Variants in PECR observed in about 807,000 individuals in gnomAD.
PECR encodes the protein 2,4-dienoyl-CoA reductase-related protein.
In PECR, 30 loss-of-function variants were observed where a neutral mutation model predicts 35.3. The ratio of observed to expected loss-of-function variants is 0.85; its 90% CI spans 0.64 to 1.15. The LOEUF (loss-of-function observed/expected upper bound fraction) is 1.15. Ranked by LOEUF, PECR falls within the 50% of genes most tolerant of loss-of-function variation. The pLI is 0.00. For missense variants in PECR, 392 were observed against 370.8 expected, an observed-to-expected ratio of 1.06 and a Z score of -0.47; for synonymous variants, 148 against 138.9, an observed-to-expected ratio of 1.07 and a Z score of -0.46.
intron 7 of PECR, among the ~76,000 whole-genome samples, chr2:216,032,562 A>G (rs1044846994): frequency 6.6e-6 from 1 of 152,242 alleles, no homozygotes; most frequent in Non-Finnish European, 1.5e-5. Flanking sequence ...AATCCAGGTC[A>G]GAAGGCAATA....
At chr2:216,053,300 G>C (rs1695155902) in intron 4 of PECR, among the ~76,000 whole-genome samples, 1 of 152,010 alleles carries the variant, frequency 6.6e-6, no homozygotes, top group Non-Finnish European at 1.5e-5. Context: ...CTGGAGTGCA[G>C]TGGCATGATC....
intron 1 of PECR, among the ~76,000 whole-genome samples, chr2:216,077,102 T>C (rs2105970724): frequency 6.6e-6 from 1 of 152,098 alleles, no homozygotes; most frequent in South Asian, 2.1e-4. Context: ...TTTCTATATG[T>C]TGGTCAGGCT....
chr2:216,074,526 AAGGAAGGAAGGAAGAAAGG>A (rs1287603983), intron 1 of PECR, among the ~76,000 whole-genome samples: 24 of 134,156 alleles, frequency 1.8e-4, no homozygotes, highest in African/African-American at 7.8e-4. Context: ...GGAAGGAAGG[AAGGAAGGAAGGAAGAAAGG>A]AAGGAAGGAA....
In PECR at chr2:216,039,277, A is replaced by G; in HGVS notation, c.910T>C (p.Ter304ArgextTer16). The change falls in exon 8 of 8, where the codon TGA becomes CGA. Residue 304 changes from the stop codon to arginine, a stop_lost. Coordinates refer to ENST00000265322, the MANE Select transcript of PECR (RefSeq NM_018441.6). ...GGAGGACACCTTGTTTCCTCAGCTCAGAGCTTAGCTTTCTCCTTAAAGGTC... is the reference window on the plus strand; with the variant it reads ...GGAGGACACCTTGTTTCCTCAGCTCGGAGCTTAGCTTTCTCCTTAAAGGTC... Reference protein sequence around the residue: ...KETFKEKAKL* With the variant: ...KETFKEKAKLR 1 of 1,569,266 alleles carries G rather than the reference A, an allele frequency of 6.4e-7. No homozygotes were observed. The highest frequency in any genetic ancestry group is 8.8e-7 in the Non-Finnish European group (1 of 1,139,358).
At chr2:216,063,482 G>C (rs1695400467) in intron 3 of PECR, among the ~76,000 whole-genome samples, 2 of 152,050 alleles carry the variant, frequency 1.3e-5, no homozygotes, top group Non-Finnish European at 2.9e-5. Flanking sequence ...GCCAGATGTG[G>C]TGGTGAATGC....
chr2:216,049,335 A>C lies in PECR; in HGVS notation c.642T>G (p.Gly214=). The change falls in exon 6 of 8, where the codon GGT becomes GGG. Residue 214 remains glycine (G), a synonymous_variant. Transcript: ENST00000265322. ...IYSQTAVENY[G]SWGQSFFEGS... ...CTTCAAAGAAGCTTTGTCCCCAGGA[A>C]CCATAGTTCTCCACAGCAGTCTGGG... 6.3e-7 allele frequency: 1 copy of C among 1,597,714 alleles called. No individual in the cohort carries two copies. The highest frequency in any genetic ancestry group is 8.6e-7 in the Non-Finnish European group (1 of 1,164,976).
chr2:216,043,081 A>ATG (rs1559207902), intron 7 of PECR, among the ~76,000 whole-genome samples: 1 of 145,490 alleles, frequency 6.9e-6, no homozygotes, highest in Non-Finnish European at 1.5e-5. Context: ...GTATATATAT[A>ATG]CACATACATA....
chr2:216,081,500 C>A, intron 1 of PECR, 118 bp downstream of exon 1: 1 of 1,291,504 alleles, frequency 7.7e-7, no homozygotes, highest in East Asian at 2.3e-5. Flanking sequence ...CACACCTGCC[C>A]CGTCTTTGCT....
intron 6 of PECR, among the ~76,000 whole-genome samples, chr2:216,046,302 A>ATTTTT (rs1559209212): frequency 5.1e-4 from 59 of 114,572 alleles, no homozygotes; most frequent in African/African-American, 2.3e-3. Context: ...ACATATATAT[A>ATTTTT]TATATATATT....
intron 1 of PECR, among the ~76,000 whole-genome samples, chr2:216,079,642 C>G (rs989725709): frequency 6.7e-6 from 1 of 149,764 alleles, no homozygotes; most frequent in Non-Finnish European, 1.5e-5. Context: ...GCTGGGATTA[C>G]AGGCATGAGC....
chr2:216,044,091 A>G (rs1387897378), intron 6 of PECR, 76 bp from the exon 7 acceptor site: 1 of 762,496 alleles, frequency 1.3e-6, no homozygotes, highest in Non-Finnish European at 2.4e-6. Flanking sequence ...TTCCCCAGTA[A>G]AGGCATCTCA....
intron 7 of PECR, among the ~76,000 whole-genome samples, chr2:216,030,255 T>C (rs7592663): frequency 0.72 from 109,569 of 151,752 alleles, 39,720 homozygotes; most frequent in African/African-American, 0.77. Context: ...TTCAAAATAA[T>C]CTCTTCATTG....
intron 6 of PECR, among the ~76,000 whole-genome samples, chr2:216,044,595 A>C (rs1486607811): frequency 1.3e-5 from 2 of 152,134 alleles, no homozygotes; most frequent in Non-Finnish European, 2.9e-5. Context: ...CCAGCTCCTT[A>C]GGAGGCTGAG....
At chr2:216,043,012 T>C (rs1436326488) in intron 7 of PECR, among the ~76,000 whole-genome samples, 1 of 146,294 alleles carries the variant, frequency 6.8e-6, no homozygotes, top group Non-Finnish European at 1.5e-5. Flanking sequence ...TGTGTATATA[T>C]ATATACACAT....
downstream of PECR, among the ~76,000 whole-genome samples, chr2:216,036,869 A>C (rs562527175): frequency 8.5e-5 from 13 of 152,306 alleles, no homozygotes; most frequent in African/African-American, 3.1e-4. Context: ...GGGGAGGTAT[A>C]ATGTTCACAA....
At chr2:216,033,071 T>A (rs1694735034) in intron 7 of PECR, 1 of 152,214 alleles carries the variant, frequency 6.6e-6, no homozygotes, top group African/African-American at 2.4e-5. Context: ...TTACACCTTT[T>A]AGTTGGGGAA....
chr2:216,058,571 TC>T lies in PECR; in HGVS notation c.506+323del, dbSNP rs1451659704. 2.0e-5 allele frequency among the ~76,000 whole-genome samples: 3 copies of T among 152,248 alleles called. No individual in the cohort carries two copies. In the East Asian group the frequency reaches 5.8e-4, roughly 29 times the overall value. ...TTCTATACTTTAACAAATAAGCTAT[TC>T]CTAGACAGTGATGGCCAGTTTAGTC... is the stretch of plus-strand genomic sequence containing the variant. On this transcript the variant is annotated intron_variant, in intron 4 of 7. Transcript: ENST00000265322.
At chr2:216,048,843 C>CA (rs59623283) in intron 6 of PECR, among the ~76,000 whole-genome samples, 5,577 of 73,712 alleles carry the variant, frequency 0.076, 379 homozygotes, top group African/African-American at 0.21. Flanking sequence ...CTGTCTCAAG[C>CA]AAAAAAAAAA....
intron 6 of PECR, among the ~76,000 whole-genome samples, chr2:216,046,507 T>C (rs2105946765): frequency 1.3e-5 from 2 of 151,978 alleles, no homozygotes; most frequent in South Asian, 4.1e-4. Context: ...AGACGGGGTT[T>C]CGCCATGTTG....
Sources: allele counts gnomAD v4.1 joint callset (sites outside exome capture counted in the v4.1 genomes callset), GRCh38; gene constraint gnomAD v4.1.1; transcripts MANE v1.5; gene names NCBI Gene and HGNC (gene_info 2026-07-23, HGNC 2026-07-21).